The following PSMA1 variants were observed in gnomAD, a reference collection of about 807,000 sequenced individuals.
The protein encoded by PSMA1 is proteasome subunit alpha type-1.
Under a neutral mutation model 38.4 loss-of-function variants are expected in PSMA1, and 3 were observed. That is an observed-to-expected ratio of 0.08 (90% CI 0.04 to 0.20). The LOEUF is 0.20. Among genes scored for constraint, PSMA1 ranks in the 10% least tolerant of loss-of-function variants. The pLI is 1.00. For missense variants in PSMA1, 227 were observed against 325.3 expected (o/e 0.70, Z 2.32); for synonymous variants, 101 against 107.1 (o/e 0.94, Z 0.35).
intron 1 of PSMA1, among the ~76,000 whole-genome samples, chr11:14,634,210 A>G (rs893535982): frequency 1.3e-5 from 2 of 152,096 alleles, no homozygotes; most frequent in African/African-American, 4.8e-5. Flanking sequence ...TCTGTGGAAA[A>G]TTGTCTTCCA....
chr11:14,628,446 T>C (rs1251483624), intron 1 of PSMA1, among the ~76,000 whole-genome samples: 1 of 150,398 alleles, frequency 6.6e-6, no homozygotes, highest in African/African-American at 2.5e-5. Context: ...GATAGTTTAC[T>C]GAGGATGATG....
intron 5 of PSMA1, 161 bp from the exon 6 acceptor site, chr11:14,514,048 A>C: frequency 7.5e-7 from 1 of 1,332,116 alleles, no homozygotes; most frequent in Non-Finnish European, 9.6e-7. Context: ...CTAATATAAA[A>C]TGTTTGACTT....
chr11:14,563,212 T>C (rs1427942198), intron 2 of PSMA1, among the ~76,000 whole-genome samples: 1 of 152,246 alleles, frequency 6.6e-6, no homozygotes, highest in Non-Finnish European at 1.5e-5. Flanking sequence ...TGTTTCCTGC[T>C]GACCACTTGA....
At chr11:14,576,376 T>TA (rs1565048671) in intron 2 of PSMA1, among the ~76,000 whole-genome samples, 3 of 152,210 alleles carry the variant, frequency 2.0e-5, no homozygotes, top group African/African-American at 7.2e-5. Context: ...CTGAATGGTA[T>TA]TGCCTAGGTT....
chr11:14,514,119 G>C, intron 5 of PSMA1: 1 of 1,321,356 alleles, frequency 7.6e-7, no homozygotes, highest in Non-Finnish European at 9.6e-7. Flanking sequence ...AACCTGATTT[G>C]TTTTGGATAC....
intron 2 of PSMA1, among the ~76,000 whole-genome samples, chr11:14,604,964 T>A (rs764580169): frequency 1.6e-4 from 24 of 152,230 alleles, no homozygotes; most frequent in Non-Finnish European, 3.2e-4. Context: ...CTGATGAGCA[T>A]CTAGGTTGAT....
chr11:14,589,659 T>C (rs1220807000), intron 2 of PSMA1, among the ~76,000 whole-genome samples: 3 of 152,086 alleles, frequency 2.0e-5, no homozygotes, highest in Non-Finnish European at 2.9e-5. Context: ...CTGTGTCTCA[T>C]AGCCCATAAT....
intron 2 of PSMA1, among the ~76,000 whole-genome samples, chr11:14,572,793 G>A (rs1170505326): frequency 6.6e-6 from 1 of 152,038 alleles, no homozygotes; most frequent in African/African-American, 2.4e-5. Flanking sequence ...AGAAAAGAGA[G>A]AAGAATCAAA....
At chr11:14,525,971 C>T (rs1025561942) in intron 2 of PSMA1, among the ~76,000 whole-genome samples, 2 of 152,218 alleles carry the variant, frequency 1.3e-5, no homozygotes, top group Non-Finnish European at 2.9e-5. Flanking sequence ...AAGACACCCT[C>T]CTGCTCCTTC....
chr11:14,548,994 C>A (rs550463445), intron 2 of PSMA1, among the ~76,000 whole-genome samples: 1 of 152,174 alleles, frequency 6.6e-6, no homozygotes, highest in South Asian at 2.1e-4. Context: ...AGTCTGAAAT[C>A]TGCTATGTTG....
intron 2 of PSMA1, among the ~76,000 whole-genome samples, chr11:14,593,613 TGAGAGAGAGAGAGAGAGAGAGAGAGAGA>T (rs59225796): frequency 3.0e-5 from 3 of 98,912 alleles, no homozygotes; most frequent in South Asian, 4.1e-4. Flanking sequence ...GGAGGAAAAA[TGAGAGAGAGAGAGAGAGAGAGAGAGAGA>T]GAGAGAGAGA....
intron 1 of PSMA1, among the ~76,000 whole-genome samples, chr11:14,620,109 G>A (rs1429865313): frequency 6.6e-6 from 1 of 151,844 alleles, no homozygotes; most frequent in African/African-American, 2.4e-5. Flanking sequence ...TTTAAAGGAT[G>A]TTTTGAGCAT....
intron 1 of PSMA1, among the ~76,000 whole-genome samples, chr11:14,634,253 A>G (rs890256685): frequency 2.0e-5 from 3 of 152,106 alleles, no homozygotes; most frequent in Admixed American, 6.6e-5. Context: ...AAAGGTTGGG[A>G]CTGCTGTTTC....
At chr11:14,514,089 A>C in intron 5 of PSMA1, 1 of 1,319,266 alleles carries the variant, frequency 7.6e-7, no homozygotes, top group Non-Finnish European at 9.6e-7. Context: ...GTGCCAGCAA[A>C]ATAATTTCTT....
Position 14,505,221 on chromosome 11 carries a change from C to T in PSMA1, c.763G>A (p.Glu255Lys), listed in dbSNP as rs1409597588. The change falls in exon 10 of 10, where the codon GAA becomes AAA. Residue 255 changes from glutamate to lysine, a missense_variant. By Grantham distance (56) the Glu-to-Lys change is moderately conservative. Transcript: ENST00000396394. ...QPAQPADEPA[E>K]KADEPMEH Reference sequence around the variant, plus strand: ...TGTTCCATTGGTTCATCAGCCTTTTCTGCAGGTTCATCAGCAGGTTGAGCA... The same window carrying T: ...TGTTCCATTGGTTCATCAGCCTTTTTTGCAGGTTCATCAGCAGGTTGAGCA... 6.2e-7 allele frequency: 1 copy of T among 1,613,650 alleles called. No homozygotes were observed. Among genetic ancestry groups the T allele is most frequent in the Non-Finnish European group, 8.5e-7 (1 of 1,179,796 alleles).
At chr11:14,512,774 C>A (rs1053962909) in intron 7 of PSMA1, among the ~76,000 whole-genome samples, 12 of 152,204 alleles carry the variant, frequency 7.9e-5, no homozygotes, top group African/African-American at 2.9e-4. Flanking sequence ...CAACTATATG[C>A]TGTGCGCTTT....
chr11:14,565,441 G>A (rs187458527), intron 2 of PSMA1, among the ~76,000 whole-genome samples: 40 of 151,720 alleles, frequency 2.6e-4, no homozygotes, highest in Admixed American at 5.3e-4. Context: ...TATTTTATTC[G>A]CTTTTTCTAG....
At chr11:14,633,756 T>G (rs1369631970) in intron 1 of PSMA1, among the ~76,000 whole-genome samples, 1 of 152,170 alleles carries the variant, frequency 6.6e-6, no homozygotes, top group Non-Finnish European at 1.5e-5. Flanking sequence ...GCCTTGCAGT[T>G]TGATCTCAGA....
chr11:14,532,455 C>G (rs750668859), intron 2 of PSMA1, among the ~76,000 whole-genome samples: 9 of 151,632 alleles, frequency 5.9e-5, no homozygotes, highest in Non-Finnish European at 1.3e-4. Flanking sequence ...AAATACAAAA[C>G]TTAGCCCGGC....
Sources: gnomAD v4.1 joint callset for allele counts (sites outside exome capture counted in the v4.1 genomes callset) on GRCh38, gnomAD v4.1.1 for gene constraint, MANE v1.5 for transcripts, NCBI Gene and HGNC (gene_info 2026-07-23, HGNC 2026-07-21) for gene names.